Variants in DGKZ observed in about 807,000 individuals in gnomAD.
The protein encoded by DGKZ is DAG kinase zeta.
Under a neutral mutation model 142.5 loss-of-function variants are expected in DGKZ, and 45 were observed. That is an observed-to-expected ratio of 0.32 (90% CI 0.25 to 0.40). DGKZ has a LOEUF of 0.40. Ranked by LOEUF, DGKZ falls within the 10% of genes least tolerant of loss-of-function variation. The probability of loss-of-function intolerance (pLI) is 1.00; values close to 1 mark genes in which losing one functional copy is unlikely to be tolerated. For missense variants in DGKZ, 755 were observed against 1,306.5 expected, an observed-to-expected ratio of 0.58 and a Z score of 6.51; for synonymous variants, 442 against 527.0, an observed-to-expected ratio of 0.84 and a Z score of 2.21.
intron 1 of DGKZ, among the ~76,000 whole-genome samples, chr11:46,351,619 CTT>C (rs1165380140): frequency 3.9e-5 from 6 of 152,308 alleles, no homozygotes; most frequent in African/African-American, 1.2e-4. Flanking sequence ...AAGGAAACCT[CTT>C]TGAGTGGTTT....
At chr11:46,336,890 A>T (rs1940042201) in intron 1 of DGKZ, among the ~76,000 whole-genome samples, 1 of 152,100 alleles carries the variant, frequency 6.6e-6, no homozygotes, top group Non-Finnish European at 1.5e-5. Context: ...GCGTGGTTGC[A>T]TGCGTCTGTA....
At chr11:46,363,543 A>G (rs558285048) in intron 1 of DGKZ, among the ~76,000 whole-genome samples, 1 of 152,158 alleles carries the variant, frequency 6.6e-6, no homozygotes, top group Non-Finnish European at 1.5e-5. Context: ...GCCGGGCACC[A>G]CAGGAGCTCC....
At chr11:46,365,122 A>G (rs1417300282) in intron 1 of DGKZ, 5 of 985,220 alleles carry the variant, frequency 5.1e-6, no homozygotes, top group Non-Finnish European at 6.0e-6. Context: ...GAGGGAGCAA[A>G]GCATGAGTTC....
Position 46,372,606 on chromosome 11 carries a change from C to G in DGKZ, c.1011-11C>G. On this transcript the variant is annotated splice_polypyrimidine_tract_variant and intron_variant, in intron 11 of 30. Transcript: ENST00000527911. The surrounding 1 kb of genome is among the most constrained non-coding windows in gnomAD (Gnocchi z 5.9). ...TCCCCTGACCCCACTGCCATCTTCCCATGAGCCCAGGCTGGAGATGTACCG... is the reference window on the plus strand; with the variant it reads ...TCCCCTGACCCCACTGCCATCTTCCGATGAGCCCAGGCTGGAGATGTACCG... 6.2e-7 allele frequency: 1 copy of G among 1,613,880 alleles called. No individual in the cohort carries two copies. The highest frequency in any genetic ancestry group is 8.5e-7 in the Non-Finnish European group (1 of 1,180,000).
Position 46,372,934 on chromosome 11 carries a change from G to T in DGKZ, c.1186-27G>T, listed in dbSNP as rs201189502. On this transcript the variant is annotated intron_variant, in intron 13 of 30. Coordinates refer to ENST00000527911, the Ensembl canonical transcript of DGKZ. The surrounding 1 kb of genome is among the most constrained non-coding windows in gnomAD (Gnocchi z 5.9). Reference sequence around the variant, plus strand: ...CAGCTGGGGCCTCTCCAGCCACAGAGGGCTCAGTCCCTGCCTGCTCCCCCA... The same window carrying T: ...CAGCTGGGGCCTCTCCAGCCACAGATGGCTCAGTCCCTGCCTGCTCCCCCA... 1.9e-6 allele frequency: 3 copies of T among 1,554,474 alleles called. No individual in the cohort carries two copies. Among genetic ancestry groups the T allele is most frequent in the East Asian group, 2.4e-5 (1 of 41,242 alleles).
intron 1 of DGKZ, among the ~76,000 whole-genome samples, chr11:46,351,411 CCCATTT>C (rs1333598981): frequency 6.6e-6 from 1 of 152,178 alleles, no homozygotes; most frequent in Non-Finnish European, 1.5e-5. Context: ...GACAATGGGT[CCCATTT>C]AGAGGCACTG....
rs1944607775 is a variant in DGKZ at position 46,376,886 on chromosome 11, T to C, written c.2203-187T>C. On this transcript the variant is annotated intron_variant, in intron 24 of 30. Transcript: ENST00000527911. Reference sequence around the variant, plus strand: ...TCAGGCGCCAGCTCACCTGGTAAAGTCTGGGCAGTCGGAGGAGGTGTCAGG... The same window carrying C: ...TCAGGCGCCAGCTCACCTGGTAAAGCCTGGGCAGTCGGAGGAGGTGTCAGG... The C allele has an allele frequency of 4.6e-6, 3 of 651,770 alleles. No individual in the cohort carries two copies. In the African/African-American group the frequency reaches 5.5e-5, roughly 12 times the overall value. 40.4% of individuals were successfully genotyped at this position (651,770 alleles called of 1,614,324 possible).
At chr11:46,348,763 C>T (rs1269178375) in intron 1 of DGKZ, among the ~76,000 whole-genome samples, 1 of 152,176 alleles carries the variant, frequency 6.6e-6, no homozygotes, top group African/African-American at 2.4e-5. Flanking sequence ...AGGTAAGGGA[C>T]GTGAGGCCCC....
chr11:46,347,504 C>T lies in DGKZ; in HGVS notation c.-156C>T, dbSNP rs1940776592. On this transcript the variant is annotated 5_prime_UTR_variant, in exon 1 of 31. Transcript: ENST00000527911. This position sits in a 1 kb window ranked among gnomAD's most constrained non-coding sequence, Gnocchi z 6.4. Reference sequence around the variant, plus strand: ...GCGGCGGCAGCGGCTTCCCGGGCACCTGGGCGTGGGGAGCGGGGGCGCGCG... The same window carrying T: ...GCGGCGGCAGCGGCTTCCCGGGCACTTGGGCGTGGGGAGCGGGGGCGCGCG... The T allele has an allele frequency of 2.0e-6, 2 of 982,096 alleles. No homozygotes were observed. Among genetic ancestry groups the T allele is most frequent in the African/African-American group, 3.5e-5 (2 of 56,580 alleles). The allele number at this position is 982,096 out of a possible 1,614,324, so 60.8% of individuals were successfully genotyped here. A position where few individuals can be genotyped will look rare whatever the true frequency, so the allele number is the denominator to read the frequency against.
At chr11:46,357,672 C>T (rs1056304624) in intron 1 of DGKZ, among the ~76,000 whole-genome samples, 8 of 152,232 alleles carry the variant, frequency 5.3e-5, no homozygotes, top group African/African-American at 1.4e-4. Context: ...GACCTGGCCC[C>T]GGCCCCCCAG....
In DGKZ at chr11:46,375,717, C is replaced by T; in HGVS notation, c.1910+86C>T. Reference sequence around the variant, plus strand: ...TTGATTTCCCCATCTGTAAAAGGGGCTGACTGTCCCTCTGCCCCAGGGGTG... The same window carrying T: ...TTGATTTCCCCATCTGTAAAAGGGGTTGACTGTCCCTCTGCCCCAGGGGTG... On this transcript the variant is annotated intron_variant, in intron 20 of 30. Transcript: ENST00000527911. 3 of 1,502,722 alleles carry T rather than the reference C, an allele frequency of 2.0e-6. No individual in the cohort carries two copies. The South Asian group carries it at 3.7e-5, about 19-fold the overall frequency. 93.1% of individuals were successfully genotyped at this position (1,502,722 alleles called of 1,614,324 possible).
chr11:46,333,338 C>G (rs920457765), exon 1 of DGKZ: 2 of 1,346,624 alleles, frequency 1.5e-6, no homozygotes, highest in Admixed American at 4.0e-5. Context: ...GCCGGGCAGC[C>G]GAGGAGGAGG....
In DGKZ at chr11:46,373,121, TGGG is replaced by T; in HGVS notation, c.1326+24_1326+26del. 1 of 1,537,130 alleles carries T rather than the reference TGGG, an allele frequency of 6.5e-7. No homozygotes were observed. The highest frequency in any genetic ancestry group is 8.8e-7 in the Non-Finnish European group (1 of 1,142,262). On this transcript the variant is annotated intron_variant, in intron 14 of 30. Coordinates refer to ENST00000527911, the Ensembl canonical transcript of DGKZ. ...GACCGGGTAAGTTGGCCAGGGTTGG[TGGG>T]GGGCAGGGCAGGTGACTGGGGACTG...
At chr11:46,378,058 C>A in intron 25 of DGKZ, 140 bp from the exon 26 acceptor site, 1 of 1,049,440 alleles carries the variant, frequency 9.5e-7, no homozygotes. Context: ...GCTGTATCCC[C>A]AGTGCCTGGA....
upstream of DGKZ, among the ~76,000 whole-genome samples, chr11:46,344,440 C>T (rs753032194): frequency 2.0e-5 from 3 of 151,056 alleles, no homozygotes; most frequent in Non-Finnish European, 4.4e-5. Context: ...TCAGATAACA[C>T]CATGAGCTCA....
At chr11:46,348,709 G>A (rs1165410603) in intron 1 of DGKZ, among the ~76,000 whole-genome samples, 2 of 152,208 alleles carry the variant, frequency 1.3e-5, no homozygotes, top group Non-Finnish European at 2.9e-5. Flanking sequence ...CAAGTGTGCT[G>A]CTCTTGGTCG....
chr11:46,351,563 G>A (rs1941385090), intron 1 of DGKZ, among the ~76,000 whole-genome samples: 1 of 152,220 alleles, frequency 6.6e-6, no homozygotes, highest in Non-Finnish European at 1.5e-5. Context: ...CGCCTCTTTT[G>A]CAGAGGTGAG....
chr11:46,358,817 G>A (rs1942315514), intron 1 of DGKZ, among the ~76,000 whole-genome samples: 1 of 152,206 alleles, frequency 6.6e-6, no homozygotes, highest in African/African-American at 2.4e-5. Flanking sequence ...GATGAGATCA[G>A]TAGTGAAGTT....
chr11:46,336,774 G>A (rs549626325), intron 1 of DGKZ, among the ~76,000 whole-genome samples: 12 of 152,164 alleles, frequency 7.9e-5, no homozygotes, highest in East Asian at 1.9e-4. Flanking sequence ...GGCTGGTCTC[G>A]AACTCCTGGG....
Sources: gnomAD v4.1 joint callset for allele counts (sites outside exome capture counted in the v4.1 genomes callset) on GRCh38, gnomAD v4.1.1 for gene constraint, Gnocchi (gnomAD v3.1) non-coding constraint, MANE v1.5 for transcripts, NCBI Gene and HGNC (gene_info 2026-07-23, HGNC 2026-07-21) for gene names.